Variants in RUNX1 observed in about 807,000 individuals in gnomAD.
RUNX1 encodes the protein RUNX family transcription factor 1, also known as runt-related transcription factor 1.
A neutral mutation model predicts 42.8 loss-of-function variants in RUNX1; 19 were observed. The observed-to-expected ratio is 0.44, with a 90% CI of 0.31 to 0.65. The LOEUF (loss-of-function observed/expected upper bound fraction) is 0.65. RUNX1 is among the 30% of genes least tolerant of loss of function. The pLI is 0.07. For missense variants in RUNX1, 528 were observed against 672.0 expected (o/e 0.79, Z 2.37); for synonymous variants, 271 against 289.4 (o/e 0.94, Z 0.64).
intron 2 of RUNX1, among the ~76,000 whole-genome samples, chr21:34,936,624 G>A (rs1405978904): frequency 1.4e-4 from 22 of 152,160 alleles, no homozygotes; most frequent in Admixed American, 1.1e-3. Context: ...AAGAACACTC[G>A]AATGCACAAA....
At chr21:34,842,231 A>G (rs139353312) in intron 6 of RUNX1, among the ~76,000 whole-genome samples, 4,365 of 152,284 alleles carry the variant, frequency 0.029, 73 homozygotes, top group African/African-American at 0.045. Context: ...TCCGGGCCTG[A>G]TGGCTCATCC....
intron 2 of RUNX1, among the ~76,000 whole-genome samples, chr21:35,016,311 A>G (rs1183081495): frequency 2.0e-5 from 3 of 152,212 alleles, no homozygotes; most frequent in African/African-American, 7.2e-5. Context: ...GTTGCAGGAC[A>G]TACACAGCTT....
intron 2 of RUNX1, among the ~76,000 whole-genome samples, chr21:35,037,446 A>C (rs1309020610): frequency 6.6e-6 from 1 of 152,246 alleles, no homozygotes; most frequent in Non-Finnish European, 1.5e-5. Flanking sequence ...GATGGTGGCC[A>C]GTGCCCCAGC....
chr21:34,886,723 C>A, intron 4 of RUNX1, 120 bp downstream of exon 4: 1 of 1,499,126 alleles, frequency 6.7e-7, no homozygotes, highest in East Asian at 2.4e-5. Flanking sequence ...AAGACCGACC[C>A]GGGGCTGCGG....
At chr21:34,932,653 C>G (rs1478725551) in intron 2 of RUNX1, among the ~76,000 whole-genome samples, 2 of 152,194 alleles carry the variant, frequency 1.3e-5, no homozygotes, top group Non-Finnish European at 2.9e-5. Flanking sequence ...TATACCCCTT[C>G]TACTGAGGTT....
At chr21:34,975,022 A>G (rs2058790706) in intron 2 of RUNX1, among the ~76,000 whole-genome samples, 1 of 151,998 alleles carries the variant, frequency 6.6e-6, no homozygotes, top group African/African-American at 2.4e-5. Flanking sequence ...AAGAGAAGGC[A>G]AGCAAGTGTA....
chr21:34,900,452 A>T (rs2058168069), intron 2 of RUNX1, among the ~76,000 whole-genome samples: 1 of 152,216 alleles, frequency 6.6e-6, no homozygotes, highest in Admixed American at 6.5e-5. Context: ...AGGACCACTA[A>T]ATAGTGCATC....
rs369119312 is a variant in RUNX1 at position 34,824,204 on chromosome 21, C to T, written c.805+10206G>A. Reference sequence around the variant, plus strand: ...GTCTATTCCATGCCATTTAGGGGAGCGTGAACTGGCTAAAACTCAACCTGA... The same window carrying T: ...GTCTATTCCATGCCATTTAGGGGAGTGTGAACTGGCTAAAACTCAACCTGA... On this transcript the variant is annotated intron_variant, in intron 7 of 8. Transcript: ENST00000675419. Among the ~76,000 whole-genome samples the T allele has an allele frequency of 1.6e-4, 25 of 152,202 alleles. No homozygotes were observed. The South Asian group carries it at 3.1e-3, about 19-fold the overall frequency.
intron 6 of RUNX1, among the ~76,000 whole-genome samples, chr21:34,840,550 TTTCTTGAACAAC>T (rs1209954480): frequency 6.6e-6 from 1 of 152,220 alleles, no homozygotes; most frequent in African/African-American, 2.4e-5. Flanking sequence ...AAGCACGGTC[TTTCTTGAACAAC>T]TTCTAATGAG....
At position 34,791,873 on chromosome 21, in the gene RUNX1, C is replaced by T. The variant is rs1016022308; in HGVS notation, c.*262G>A. ...CGCGTCCCCTGGGTGCTGGGGCCGG[C>T]GGACACCCTCGAGGTGCGTCGCCTC... On this transcript the variant is annotated 3_prime_UTR_variant, in exon 9 of 9. Coordinates refer to ENST00000675419, the MANE Select transcript of RUNX1 (RefSeq NM_001754.5). 1.2e-5 allele frequency: 3 copies of T among 259,580 alleles called. No individual in the cohort carries two copies. Among genetic ancestry groups the T allele is most frequent in the Non-Finnish European group, 1.5e-5 (2 of 133,896 alleles). The allele number at this position is 259,580 out of a possible 1,614,324, so 16.1% of individuals were successfully genotyped here. A position where few individuals can be genotyped will look rare whatever the true frequency, so the allele number is the denominator to read the frequency against.
At chr21:34,946,449 T>C (rs745362618) in intron 2 of RUNX1, among the ~76,000 whole-genome samples, 10 of 152,182 alleles carry the variant, frequency 6.6e-5, no homozygotes, top group Admixed American at 2.0e-4. Context: ...ACTTCTGCAC[T>C]TGCCATCCTT....
At chr21:35,011,391 A>G (rs896970860) in intron 2 of RUNX1, among the ~76,000 whole-genome samples, 29 of 152,158 alleles carry the variant, frequency 1.9e-4, no homozygotes, top group African/African-American at 3.6e-4. Context: ...CTACTAATTC[A>G]TAAGAGTTGT....
intron 2 of RUNX1, among the ~76,000 whole-genome samples, chr21:35,020,707 G>A (rs1278712909): frequency 6.6e-6 from 1 of 152,148 alleles, no homozygotes; most frequent in Non-Finnish European, 1.5e-5. Flanking sequence ...ATTTAAGCCA[G>A]GACTGATTCT....
intron 2 of RUNX1, among the ~76,000 whole-genome samples, chr21:35,029,840 CTGGTAATA>C (rs2146968260): frequency 6.6e-6 from 1 of 152,304 alleles, no homozygotes; most frequent in South Asian, 2.1e-4. Flanking sequence ...AACCACGATC[CTGGTAATA>C]GTACGAGGTT....
intron 8 of RUNX1, among the ~76,000 whole-genome samples, chr21:34,798,990 TA>T (rs2056569834): frequency 6.6e-6 from 1 of 152,220 alleles, no homozygotes; most frequent in Non-Finnish European, 1.5e-5. Flanking sequence ...TAATGAGTCC[TA>T]AAAGTTGAAA....
chr21:34,879,295 G>A (rs913812820), intron 5 of RUNX1, among the ~76,000 whole-genome samples: 10 of 152,006 alleles, frequency 6.6e-5, no homozygotes, highest in Admixed American at 5.9e-4. Context: ...AATTTTCTTT[G>A]CATTACCCTA....
At chr21:34,874,610 C>CAAAAAAAAAAAAAAAAAA (rs59950735) in intron 5 of RUNX1, among the ~76,000 whole-genome samples, 1 of 25,300 alleles carries the variant, frequency 4.0e-5, no homozygotes, top group African/African-American at 2.3e-4. Flanking sequence ...AACTCTGTCT[C>CAAAAAAAAAAAAAAAAAA]AAAAAAAAAA....
rs1186716957 is a variant in RUNX1, at chr21:34,880,662, C to G, written c.403G>C (p.Gly135Arg). 1 of 1,614,116 alleles carries G rather than the reference C, an allele frequency of 6.2e-7. No individual in the cohort carries two copies. The highest frequency in any genetic ancestry group is 8.5e-7 in the Non-Finnish European group (1 of 1,179,994). The change falls in exon 5 of 9, where the codon GGC (glycine) becomes CGC (arginine). Residue 135 changes from glycine to arginine, a missense_variant. Physicochemically the swap from Gly to Arg is moderately radical, Grantham distance 125. Around this residue, in one of 3 missense-constraint regions of RUNX1, gnomAD observed 83 missense variants for 174.5 expected, o/e 0.48. Coordinates refer to ENST00000675419, the MANE Select transcript of RUNX1 (RefSeq NM_001754.5). ...PDGTLVTVMA[G>R]NDENYSAELR... ...TCAGCCGAGTAGTTTTCATCATTGC[C>G]AGCCATCACAGTGACCAGAGTGCCA... is the stretch of plus-strand genomic sequence containing the variant.
At chr21:34,958,162 T>C (rs1012601616) in intron 2 of RUNX1, among the ~76,000 whole-genome samples, 1 of 152,102 alleles carries the variant, frequency 6.6e-6, no homozygotes, top group Non-Finnish European at 1.5e-5. Flanking sequence ...GCAGAAACAG[T>C]GCCCATTACT....
Sources: allele counts gnomAD v4.1 joint callset (sites outside exome capture counted in the v4.1 genomes callset), GRCh38; gene constraint gnomAD v4.1.1; regional missense constraint gnomAD v4.1.1; transcripts MANE v1.5; gene names NCBI Gene and HGNC (gene_info 2026-07-23, HGNC 2026-07-21).